PRKG1: variants seen among roughly 807,000 people sequenced by gnomAD.
PRKG1 encodes the protein cGMP-dependent protein kinase 1.
In PRKG1, 35 loss-of-function variants were observed where a neutral mutation model predicts 88.1. That is an observed-to-expected ratio of 0.40 (90% CI 0.30 to 0.53). PRKG1 has a LOEUF of 0.53. Among genes scored for constraint, PRKG1 ranks in the 20% least tolerant of loss-of-function variants. PRKG1 has a pLI of 0.59. For missense variants in PRKG1, 540 were observed against 839.8 expected (o/e 0.64, Z 4.41); for synonymous variants, 303 against 292.5 (o/e 1.04, Z -0.37).
At chr10:51,003,531 T>C (rs76376549) in intron 1 of PRKG1, among the ~76,000 whole-genome samples, 25 of 152,356 alleles carry the variant, frequency 1.6e-4, no homozygotes, top group African/African-American at 5.8e-4. Flanking sequence ...AGTCCGGACA[T>C]GCTTTTGTGA....
intron 3 of PRKG1, among the ~76,000 whole-genome samples, chr10:51,720,314 A>G (rs55807700): frequency 0.4 from 55,704 of 137,996 alleles, 10,966 homozygotes; most frequent in Middle Eastern, 0.53. Flanking sequence ...TTCATACCTA[A>G]AAGTTCCAAT....
chr10:51,384,638 C>A (rs530491859), intron 2 of PRKG1, among the ~76,000 whole-genome samples: 1 of 152,282 alleles, frequency 6.6e-6, no homozygotes, highest in Middle Eastern at 3.4e-3. Context: ...TCGTGAATCC[C>A]TCCATTCTTC....
intron 3 of PRKG1, among the ~76,000 whole-genome samples, chr10:51,566,734 A>G (rs1470596813): frequency 6.6e-6 from 1 of 151,954 alleles, no homozygotes; most frequent in Admixed American, 6.6e-5. Flanking sequence ...ATGCGACTGG[A>G]TGGAGGACCC....
At chr10:51,692,156 G>T (rs1266428832) in intron 3 of PRKG1, among the ~76,000 whole-genome samples, 1 of 151,950 alleles carries the variant, frequency 6.6e-6, no homozygotes, top group Non-Finnish European at 1.5e-5. Context: ...ATTAACATGA[G>T]AACAAGAGTG....
At chr10:51,912,873 TTTTG>T (rs2132958935) in intron 5 of PRKG1, among the ~76,000 whole-genome samples, 1 of 152,204 alleles carries the variant, frequency 6.6e-6, no homozygotes, top group East Asian at 1.9e-4. Context: ...TCTTTATTCT[TTTTG>T]TTTGTTCATT....
intron 1 of PRKG1, among the ~76,000 whole-genome samples, chr10:51,031,554 G>A (rs530399959): frequency 4.6e-5 from 7 of 152,200 alleles, no homozygotes; most frequent in South Asian, 2.1e-4. Context: ...AGAAGGAAAC[G>A]TATTTATTGA....
At chr10:51,211,696 T>G (rs1440041153) in intron 2 of PRKG1, among the ~76,000 whole-genome samples, 2 of 152,190 alleles carry the variant, frequency 1.3e-5, no homozygotes, top group South Asian at 4.1e-4. Context: ...AGCCAAATCA[T>G]GAGTGAGCTC....
intron 1 of PRKG1, among the ~76,000 whole-genome samples, chr10:51,126,614 A>G (rs1000180934): frequency 1.3e-5 from 2 of 151,710 alleles, no homozygotes; most frequent in East Asian, 1.9e-4. Context: ...TTAGAAAAAC[A>G]TACTTTAAAT....
At chr10:51,103,492 C>G (rs1432244212) in intron 1 of PRKG1, among the ~76,000 whole-genome samples, 1 of 152,124 alleles carries the variant, frequency 6.6e-6, no homozygotes, top group Non-Finnish European at 1.5e-5. Flanking sequence ...ATTCCGAGCC[C>G]AATAAAATTG....
At chr10:51,289,607 A>G (rs1223697635) in intron 2 of PRKG1, among the ~76,000 whole-genome samples, 1 of 152,018 alleles carries the variant, frequency 6.6e-6, no homozygotes, top group Non-Finnish European at 1.5e-5. Context: ...GATACTTGGG[A>G]AACACAGTTT....
intron 9 of PRKG1, among the ~76,000 whole-genome samples, chr10:52,231,680 G>A (rs1840526747): frequency 6.6e-6 from 1 of 152,170 alleles, no homozygotes; most frequent in African/African-American, 2.4e-5. Context: ...TAGATAGATA[G>A]TAATAGAACT....
At chr10:51,366,169 T>A (rs573834591) in intron 2 of PRKG1, among the ~76,000 whole-genome samples, 1 of 152,032 alleles carries the variant, frequency 6.6e-6, no homozygotes, top group East Asian at 1.9e-4. Context: ...ATAATTTCTC[T>A]GGTATGATTC....
intron 5 of PRKG1, among the ~76,000 whole-genome samples, chr10:52,043,108 C>G (rs1403577411): frequency 6.6e-6 from 1 of 151,990 alleles, no homozygotes; most frequent in Admixed American, 6.6e-5. Context: ...AAAAAGGAAT[C>G]TTATTCTTTG....
chr10:51,845,029 G>A (rs963495970), intron 4 of PRKG1, among the ~76,000 whole-genome samples: 3 of 152,064 alleles, frequency 2.0e-5, no homozygotes, highest in East Asian at 1.9e-4. Flanking sequence ...ATGTAGATGT[G>A]AAAAAATTTC....
intron 2 of PRKG1, among the ~76,000 whole-genome samples, chr10:51,373,111 AT>A (rs943713862): frequency 1.3e-5 from 2 of 152,188 alleles, no homozygotes; most frequent in Non-Finnish European, 2.9e-5. Context: ...TCACACAAAT[AT>A]TTTTTGAGAG....
intron 3 of PRKG1, among the ~76,000 whole-genome samples, chr10:51,616,355 G>GTCC (rs1244113626): frequency 6.6e-6 from 1 of 152,192 alleles, no homozygotes; most frequent in Non-Finnish European, 1.5e-5. Flanking sequence ...AGGGTCTCGA[G>GTCC]TCCCTGGGCA....
intron 5 of PRKG1, among the ~76,000 whole-genome samples, chr10:52,004,775 C>A (rs1564747652): frequency 6.6e-6 from 1 of 151,982 alleles, no homozygotes; most frequent in Non-Finnish European, 1.5e-5. Context: ...AATTAAAATA[C>A]AGTTTTAGAG....
At chr10:51,585,939 G>A (rs979650030) in intron 3 of PRKG1, among the ~76,000 whole-genome samples, 3 of 152,132 alleles carry the variant, frequency 2.0e-5, no homozygotes, top group Admixed American at 6.6e-5. Flanking sequence ...ACACATGGCC[G>A]TAAAGATAAG....
At chr10:51,278,902 C>T (rs957434829) in intron 2 of PRKG1, among the ~76,000 whole-genome samples, 10 of 152,062 alleles carry the variant, frequency 6.6e-5, no homozygotes, top group African/African-American at 2.4e-4. Context: ...TTCAAAAAAC[C>T]AGCTCCTGGA....
Sources: allele counts gnomAD v4.1 joint callset (sites outside exome capture counted in the v4.1 genomes callset), GRCh38; gene constraint gnomAD v4.1.1; transcripts MANE v1.5; gene names NCBI Gene and HGNC (gene_info 2026-07-23, HGNC 2026-07-21).